WNT5A: variants seen among roughly 807,000 people sequenced by gnomAD.
The protein encoded by WNT5A is Wnt family member 5A, also known as protein Wnt-5a.
In WNT5A, 9 loss-of-function variants were observed where a neutral mutation model predicts 42.1. The observed-to-expected ratio is 0.21, with a 90% CI of 0.13 to 0.37. WNT5A has a LOEUF of 0.37. Ranked by LOEUF, WNT5A falls within the 10% of genes least tolerant of loss-of-function variation. The probability of loss-of-function intolerance (pLI) is 1.00; values close to 1 mark genes in which losing one functional copy is unlikely to be tolerated. For synonymous variants in WNT5A, 210 were observed against 210.0 expected, an observed-to-expected ratio of 1.00 and a Z score of 0.00; for missense variants, 426 against 534.0, an observed-to-expected ratio of 0.80 and a Z score of 1.99.
the WNT5A span, chr3:55,501,680 A>C: frequency 6.6e-6 from 1 of 152,256 alleles, no homozygotes; most frequent in Admixed American, 6.5e-5. Context: ...AAAGTTGTAT[A>C]ATCCAAAGTC....
chr3:55,481,566 C>T (rs2051465430), intron 1 of WNT5A, among the ~76,000 whole-genome samples: 1 of 152,114 alleles, frequency 6.6e-6, no homozygotes, highest in African/African-American at 2.4e-5. Context: ...TCGTATGTTT[C>T]ATAATCAGTT....
chr3:55,504,800 T>G, the WNT5A span, among the ~76,000 whole-genome samples: 1 of 152,184 alleles, frequency 6.6e-6, no homozygotes, highest in Non-Finnish European at 1.5e-5. Context: ...AACAGAGAGG[T>G]AGAAAAGTAC....
At chr3:55,488,167 C>A, upstream of WNT5A, 1 of 152,682 alleles carries the variant, frequency 6.5e-6, no homozygotes, top group South Asian at 1.9e-4. Context: ...GGCGGGCGGT[C>A]CCGGGCACAA....
At chr3:55,479,268 G>GA (rs745970761) in intron 3 of WNT5A, 46 bp downstream of exon 3, 8 of 1,441,842 alleles carry the variant, frequency 5.5e-6, no homozygotes, top group South Asian at 1.6e-5. Context: ...TTTCTTCTAG[G>GA]AAAAAAAGTT....
chr3:55,467,280 C>A lies in WNT5A; in HGVS notation c.*2812G>T, dbSNP rs192230260. 1 of 152,300 alleles carries A rather than the reference C, an allele frequency of 6.6e-6. No individual in the cohort carries two copies. The highest frequency in any genetic ancestry group is 2.4e-5 in the African/African-American group (1 of 41,322). 9.4% of individuals were successfully genotyped at this position (152,300 alleles called of 1,614,324 possible). On this transcript the variant is annotated 3_prime_UTR_variant, in exon 5 of 5. Coordinates refer to ENST00000264634, the MANE Select transcript of WNT5A (RefSeq NM_003392.7). ...TCTCTGGGATGTTACAACAGCAACACGCTCTAAAACAATTAAGTTACATGC... is the reference window on the plus strand; with the variant it reads ...TCTCTGGGATGTTACAACAGCAACAAGCTCTAAAACAATTAAGTTACATGC...
intron 3 of WNT5A, among the ~76,000 whole-genome samples, chr3:55,475,776 C>T (rs141827639): frequency 2.6e-5 from 4 of 152,202 alleles, no homozygotes; most frequent in East Asian, 1.9e-4. Flanking sequence ...TTACAGGGAC[C>T]CTATTTGTAA....
intron 1 of WNT5A, chr3:55,481,393 T>A (rs2051459639): frequency 1.0e-6 from 1 of 980,762 alleles, no homozygotes; most frequent in Non-Finnish European, 1.2e-6. Context: ...CGGAGGCGAG[T>A]GGAGCGCGCT....
At chr3:55,490,639 A>C (rs1202793088), upstream of WNT5A, 1 of 152,240 alleles carries the variant, frequency 6.6e-6, no homozygotes, top group Non-Finnish European at 1.5e-5. Flanking sequence ...TGCTCTTAGC[A>C]TGGGTCAGGC....
intron 2 of WNT5A, among the ~76,000 whole-genome samples, chr3:55,480,466 G>A (rs2051436555): frequency 6.6e-6 from 1 of 152,106 alleles, no homozygotes; most frequent in Admixed American, 6.5e-5. Flanking sequence ...TTGTAGATAG[G>A]CTTACAATTA....
upstream of WNT5A, chr3:55,489,293 G>GCGCACGCACA (rs1305251700): frequency 6.7e-6 from 1 of 148,590 alleles, no homozygotes; most frequent in Non-Finnish European, 1.5e-5. Flanking sequence ...ACACACGCGC[G>GCGCACGCACA]CACACACACA....
chr3:55,499,127 G>A, the WNT5A span, among the ~76,000 whole-genome samples: 3 of 152,312 alleles, frequency 2.0e-5, no homozygotes, highest in East Asian at 5.8e-4. Flanking sequence ...AAGTAAAAAA[G>A]GCAAAGTCAG....
At chr3:55,502,968 C>T in the WNT5A span, among the ~76,000 whole-genome samples, 1 of 152,232 alleles carries the variant, frequency 6.6e-6, no homozygotes. Flanking sequence ...ACAAGTTGGG[C>T]AGGTCTTTCC....
intron 1 of WNT5A, among the ~76,000 whole-genome samples, chr3:55,484,612 C>T (rs1328097028): frequency 6.6e-6 from 1 of 151,888 alleles, no homozygotes; most frequent in African/African-American, 2.4e-5. Flanking sequence ...AGGGGAAGAA[C>T]GGTCTGGCCT....
intron 2 of WNT5A, 66 bp from the exon 3 acceptor site, chr3:55,479,630 T>G: frequency 6.6e-7 from 1 of 1,521,548 alleles, no homozygotes; most frequent in East Asian, 2.3e-5. Flanking sequence ...CCTGAAAGCA[T>G]GTCAGCAATA....
Position 55,479,439 on chromosome 3 carries a change from T to A in WNT5A, c.266A>T (p.His89Leu). 1 of 1,614,042 alleles carries A rather than the reference T, an allele frequency of 6.2e-7. No homozygotes were observed. Among genetic ancestry groups the A allele is most frequent in the Non-Finnish European group, 8.5e-7 (1 of 1,179,900 alleles). ...QKKLCHLYQD[H>L]MQYIGEGAKT... ...CGCGCCTTCTCCGATGTACTGCATG[T>A]GGTCCTGATACAAGTGGCACAGTTT... The change falls in exon 3 of 5, where the codon CAC becomes CTC. Residue 89 changes from histidine (H) to leucine (L), a missense_variant. Around this residue, in one of 3 missense-constraint regions of WNT5A, gnomAD observed 358 missense variants for 468.1 expected, o/e 0.76. Transcript: ENST00000264634.
In WNT5A at chr3:55,483,058, T is replaced by C. The variant is rs2051500816; in HGVS notation, c.7-2140A>G. 6.6e-6 allele frequency among the ~76,000 whole-genome samples: 1 copy of C among 152,020 alleles called. No homozygotes were observed. The highest frequency in any genetic ancestry group is 2.1e-4 in the South Asian group (1 of 4,826). On this transcript the variant is annotated intron_variant, in intron 1 of 4. Coordinates refer to ENST00000264634, the MANE Select transcript of WNT5A (RefSeq NM_003392.7). This position sits in a 1 kb window ranked among gnomAD's most constrained non-coding sequence, Gnocchi z 4.2. ...GGCGGGGCTCAAGCAGCAGAGAAAT[T>C]GATAACAGATTCGGCGGATTACAGC...
intron 1 of WNT5A, among the ~76,000 whole-genome samples, chr3:55,485,075 G>T (rs1383166898): frequency 1.3e-5 from 2 of 152,052 alleles, no homozygotes; most frequent in African/African-American, 4.8e-5. Flanking sequence ...GGCCCCTTCC[G>T]TATTGCAGCG....
Position 55,467,521 on chromosome 3 carries a change from G to A in WNT5A, c.*2571C>T, listed in dbSNP as rs559598298. On this transcript the variant is annotated 3_prime_UTR_variant, in exon 5 of 5. Transcript: ENST00000264634. ...GACATGTAGTCATCCTAAACTATCC[G>A]TCATGGTTTCTCCAAAAATCTCCAC... The A allele has an allele frequency of 3.3e-5, 5 of 152,372 alleles. No individual in the cohort carries two copies. Among genetic ancestry groups the A allele is most frequent in the African/African-American group, 4.8e-5 (2 of 41,426 alleles). The allele number at this position is 152,372 out of a possible 1,614,324, so 9.4% of individuals were successfully genotyped here.
rs1350037873 is a variant in WNT5A at position 55,470,433 on chromosome 3, C to G, written c.802G>C (p.Glu268Gln). The G allele has an allele frequency of 6.8e-6, 11 of 1,612,452 alleles. No individual in the cohort carries two copies. The South Asian group carries it at 1.1e-4, about 16-fold the overall frequency. Residue 268 changes from glutamate to glutamine, a missense_variant, in exon 5 of 5, where the codon GAG (glutamate) becomes CAG (glutamine). By Grantham distance (29) the Glu-to-Gln change is conservative. This residue lies in a region of WNT5A where 358 missense variants were observed against 468.1 expected (regional missense o/e 0.76). Transcript: ENST00000264634. Reference sequence around the variant, plus strand: ...ATGGCCGCCGCGCTGTCGTACTTCTCCTTCAGGGCATCACCCACCTTGCGG... The same window carrying G: ...ATGGCCGCCGCGCTGTCGTACTTCTGCTTCAGGGCATCACCCACCTTGCGG... The part of the protein sequence containing the change: ...DFRKVGDALK[E>Q]KYDSAAAMRL...
Sources: allele counts gnomAD v4.1 joint callset (sites outside exome capture counted in the v4.1 genomes callset), GRCh38; gene constraint gnomAD v4.1.1; regional missense constraint gnomAD v4.1.1; non-coding constraint Gnocchi (gnomAD v3.1); transcripts MANE v1.5; gene names NCBI Gene and HGNC (gene_info 2026-07-23, HGNC 2026-07-21).